SRGAP1: variants seen among roughly 807,000 people sequenced by gnomAD.
The protein encoded by SRGAP1 is SLIT-ROBO Rho GTPase activating protein 1.
Under a neutral mutation model 121.9 loss-of-function variants are expected in SRGAP1, and 43 were observed. That is an observed-to-expected ratio of 0.35 (90% CI 0.28 to 0.46). SRGAP1 has a LOEUF of 0.46. Among genes scored for constraint, SRGAP1 ranks in the 20% least tolerant of loss-of-function variants. The probability of loss-of-function intolerance (pLI) is 1.00; values close to 1 mark genes in which losing one functional copy is unlikely to be tolerated. For missense variants in SRGAP1, 1,102 were observed against 1,350.9 expected, an observed-to-expected ratio of 0.82 and a Z score of 2.89; for synonymous variants, 447 against 485.4, an observed-to-expected ratio of 0.92 and a Z score of 1.04.
chr12:64,125,533 T>C (rs1164789743), intron 18 of SRGAP1, among the ~76,000 whole-genome samples: 2 of 152,230 alleles, frequency 1.3e-5, no homozygotes, highest in Non-Finnish European at 2.9e-5. Flanking sequence ...CCTAATGTTC[T>C]GAGATGGTGA....
At chr12:63,913,191 CTTCTTTTT>C (rs374932520) in intron 1 of SRGAP1, among the ~76,000 whole-genome samples, 1 of 111,810 alleles carries the variant, frequency 8.9e-6, no homozygotes, top group Non-Finnish European at 1.8e-5. Context: ...CTGGTAAATC[CTTCTTTTT>C]TTTTTTTTTT....
At chr12:64,064,590 C>T (rs2035504735) in intron 7 of SRGAP1, among the ~76,000 whole-genome samples, 2 of 151,924 alleles carry the variant, frequency 1.3e-5, no homozygotes, top group South Asian at 2.1e-4. Flanking sequence ...ATTCCCACAG[C>T]AGCCCTGTGA....
intron 1 of SRGAP1, among the ~76,000 whole-genome samples, chr12:63,977,676 T>G (rs551245604): frequency 1.3e-5 from 2 of 149,312 alleles, no homozygotes; most frequent in South Asian, 4.2e-4. Flanking sequence ...CCATTTTTTC[T>G]TTTTTTTTAA....
At chr12:64,138,368 C>A (rs2036892929) in intron 21 of SRGAP1, among the ~76,000 whole-genome samples, 1 of 150,928 alleles carries the variant, frequency 6.6e-6, no homozygotes, top group African/African-American at 2.4e-5. Context: ...GTTTATCCAT[C>A]TGTTGATGGG....
chr12:64,110,343 C>T (rs1218628171), intron 16 of SRGAP1, among the ~76,000 whole-genome samples: 18 of 152,146 alleles, frequency 1.2e-4, no homozygotes, highest in Admixed American at 1.2e-3. Flanking sequence ...TTCTCAAAAC[C>T]TGAACCTAAC....
intron 1 of SRGAP1, among the ~76,000 whole-genome samples, chr12:63,860,244 C>T (rs1038124420): frequency 3.3e-5 from 5 of 152,194 alleles, no homozygotes. Context: ...CTCCTGAGCT[C>T]AAGCAATTTG....
chr12:64,047,617 G>A (rs1420063391), intron 6 of SRGAP1, among the ~76,000 whole-genome samples: 3 of 152,098 alleles, frequency 2.0e-5, no homozygotes, highest in Non-Finnish European at 2.9e-5. Flanking sequence ...AATTAAAGTT[G>A]AGATCTTTTT....
At chr12:63,941,459 G>A (rs148063114) in intron 1 of SRGAP1, among the ~76,000 whole-genome samples, 162 of 152,162 alleles carry the variant, frequency 1.1e-3, no homozygotes, top group African/African-American at 3.7e-3. Context: ...TCTGTGATCC[G>A]TTTGATCTGC....
At chr12:63,928,623 G>C (rs2031349559) in intron 1 of SRGAP1, among the ~76,000 whole-genome samples, 1 of 152,154 alleles carries the variant, frequency 6.6e-6, no homozygotes, top group South Asian at 2.1e-4. Flanking sequence ...ACCAGAGACT[G>C]GTTTCATTGA....
At chr12:64,124,614 A>T (rs1255508074) in intron 18 of SRGAP1, among the ~76,000 whole-genome samples, 1 of 152,186 alleles carries the variant, frequency 6.6e-6, no homozygotes, top group Non-Finnish European at 1.5e-5. Flanking sequence ...GGGAGCAAAG[A>T]TCATAAGGCC....
rs570753559 is a variant in SRGAP1, at chr12:64,103,099, C to A, written c.1813+5724C>A. 1.1e-4 allele frequency among the ~76,000 whole-genome samples: 17 copies of A among 152,292 alleles called. No individual in the cohort carries two copies. In the South Asian group the frequency reaches 3.5e-3, roughly 32 times the overall value. On this transcript the variant is annotated intron_variant, in intron 15 of 21. Coordinates refer to ENST00000355086, the MANE Select transcript of SRGAP1 (RefSeq NM_020762.4). ...GGCTAAAGTGATCCTCCCCCCTCAG[C>A]CTCCCAAGTAGCTGGGACCACAGGC... is the stretch of plus-strand genomic sequence containing the variant.
At chr12:64,029,593 A>G (rs962269427) in intron 4 of SRGAP1, among the ~76,000 whole-genome samples, 1 of 152,196 alleles carries the variant, frequency 6.6e-6, no homozygotes, top group Non-Finnish European at 1.5e-5. Context: ...AAAGCGTTCC[A>G]AAAAGAGGAG....
intron 1 of SRGAP1, chr12:63,871,971 T>C: frequency 9.6e-7 from 1 of 1,036,914 alleles, no homozygotes; most frequent in African/African-American, 1.6e-5. Flanking sequence ...CGATGAATCC[T>C]TGCCCTTCTT....
At chr12:63,897,237 A>G (rs1423663929) in intron 1 of SRGAP1, among the ~76,000 whole-genome samples, 1 of 152,190 alleles carries the variant, frequency 6.6e-6, no homozygotes, top group Non-Finnish European at 1.5e-5. Flanking sequence ...GCCAGAACAT[A>G]TGTGCTATTT....
At chr12:63,920,249 G>A (rs143242657) in intron 1 of SRGAP1, among the ~76,000 whole-genome samples, 278 of 152,298 alleles carry the variant, frequency 1.8e-3, no homozygotes, top group African/African-American at 5.5e-3. Context: ...GATAACTATT[G>A]AGATATAGCC....
rs1565704072 is a variant in SRGAP1, at chr12:64,149,250, A to C, written c.*6578A>C. Reference sequence around the variant, plus strand: ...AACTAACCTGTTGACCGGAAGGCCTACTCAAAGGCAAGGATACTTTTCTTT... The same window carrying C: ...AACTAACCTGTTGACCGGAAGGCCTCCTCAAAGGCAAGGATACTTTTCTTT... On this transcript the variant is annotated 3_prime_UTR_variant, in exon 22 of 22. Transcript: ENST00000355086. The C allele has an allele frequency of 6.6e-6, 1 of 152,222 alleles. No homozygotes were observed. Among genetic ancestry groups the C allele is most frequent in the Non-Finnish European group, 1.5e-5 (1 of 68,044 alleles). 9.4% of individuals were successfully genotyped at this position (152,222 alleles called of 1,614,324 possible).
chr12:64,115,965 ATT>A (rs1037439592), intron 18 of SRGAP1, 72 bp downstream of exon 18: 8 of 1,394,778 alleles, frequency 5.7e-6, no homozygotes, highest in Non-Finnish European at 7.9e-6. Context: ...TTGTATTAAC[ATT>A]TTAGAGGCAA....
intron 1 of SRGAP1, among the ~76,000 whole-genome samples, chr12:63,845,512 G>A (rs1228135227): frequency 6.6e-6 from 1 of 152,060 alleles, no homozygotes; most frequent in African/African-American, 2.4e-5. Context: ...CACTCACATG[G>A]GAATATTGCT....
chr12:63,993,174 G>A (rs992865523), intron 3 of SRGAP1, among the ~76,000 whole-genome samples: 3 of 151,902 alleles, frequency 2.0e-5, no homozygotes, highest in Admixed American at 6.6e-5. Context: ...AAGAATTCCA[G>A]GTCCCTTTAG....
Sources: gnomAD v4.1 joint callset for allele counts (sites outside exome capture counted in the v4.1 genomes callset) on GRCh38, gnomAD v4.1.1 for gene constraint, MANE v1.5 for transcripts, NCBI Gene and HGNC (gene_info 2026-07-23, HGNC 2026-07-21) for gene names.